SSBP4: variants seen among roughly 807,000 people sequenced by gnomAD.
SSBP4 encodes single stranded DNA binding protein 4.
SSBP4 carries 33 observed loss-of-function variants against 64.6 expected under a neutral mutation model. The observed-to-expected ratio is 0.51, with a 90% CI of 0.39 to 0.68. The LOEUF (loss-of-function observed/expected upper bound fraction) is 0.68. SSBP4 is among the 30% of genes least tolerant of loss of function. The pLI, the probability that SSBP4 is intolerant of heterozygous loss-of-function variation, is 0.00. For missense variants in SSBP4, 583 were observed against 566.8 expected (o/e 1.03, Z -0.29); for synonymous variants, 243 against 224.0 (o/e 1.08, Z -0.76).
At chr19:18,409,414 T>G in the SSBP4 span, among the ~76,000 whole-genome samples, 29 of 152,162 alleles carry the variant, frequency 1.9e-4, no homozygotes, top group Non-Finnish European at 4.1e-4. Context: ...CTCGAACTCC[T>G]CAGCTCAGGC....
At chr19:18,431,229 CCTT>C (rs1433591756) in intron 5 of SSBP4, 121 bp from the exon 6 acceptor site, 7 of 614,262 alleles carry the variant, frequency 1.1e-5, no homozygotes, top group Non-Finnish European at 2.1e-5. Context: ...TGCCCTCAAG[CCTT>C]CCCACAAGGT....
upstream of SSBP4, among the ~76,000 whole-genome samples, chr19:18,414,484 C>A (rs976392785): frequency 2.0e-5 from 3 of 152,056 alleles, no homozygotes; most frequent in African/African-American, 7.2e-5. Flanking sequence ...GAGTGAGACA[C>A]CCATATCTAA....
chr19:18,427,564 T>A lies in SSBP4; in HGVS notation c.132+141T>A, dbSNP rs999184462. The A allele has an allele frequency of 4.0e-5, 50 of 1,256,208 alleles. No homozygotes were observed. The African/African-American group carries it at 5.6e-4, about 14-fold the overall frequency. 77.8% of individuals were successfully genotyped at this position (1,256,208 alleles called of 1,614,324 possible). The stretch of plus-strand genomic sequence containing the variant: ...TGAGGGCTCTGCAGGGTCCAGGCCC[T>A]GGGCTAGCATCCAGGCATCTGGTCC... On this transcript the variant is annotated intron_variant, in intron 2 of 17. Transcript: ENST00000270061. This position sits in a 1 kb window ranked among gnomAD's most constrained non-coding sequence, Gnocchi z 4.4.
At chr19:18,428,397 G>A (rs1490192019) in intron 4 of SSBP4, among the ~76,000 whole-genome samples, 1 of 152,158 alleles carries the variant, frequency 6.6e-6, no homozygotes, top group Non-Finnish European at 1.5e-5. Flanking sequence ...CACAGGTCGG[G>A]GTGCCTGATG....
Position 18,423,316 on chromosome 19 carries a change from C to T in SSBP4, c.59+3609C>T, listed in dbSNP as rs1238097094. ...GCAGGTAAGCCAGGGATGGGATTCA[C>T]GATTGGACGTGGTCATTTTGGCCCC... On this transcript the variant is annotated intron_variant, in intron 1 of 17. Transcript: ENST00000270061. The surrounding 1 kb of genome is among the most constrained non-coding windows in gnomAD (Gnocchi z 4.0). Among the ~76,000 whole-genome samples, 2 of 152,104 alleles carry T rather than the reference C, an allele frequency of 1.3e-5. No individual in the cohort carries two copies. Among genetic ancestry groups the T allele is most frequent in the South Asian group, 4.2e-4 (2 of 4,816 alleles).
rs1973690315 is a variant in SSBP4, at chr19:18,433,604, G to A, written c.1011G>A (p.Gly337=). Residue 337 remains glycine (G), a synonymous_variant, in exon 16 of 18, where the codon GGG becomes GGA. Transcript: ENST00000270061. The part of the protein sequence containing the change: ...NGSLGSGDMD[G]LPKSSPGAVA... ...CTGTAGGCTCGGGCGACATGGACGG[G>A]TTGCCGAAGGTAAGGAGGCTGCGCT... is the stretch of plus-strand genomic sequence containing the variant. 2 of 1,523,624 alleles carry A rather than the reference G, an allele frequency of 1.3e-6. No individual in the cohort carries two copies. 94.4% of individuals were successfully genotyped at this position (1,523,624 alleles called of 1,614,324 possible). A position where few individuals can be genotyped will look rare whatever the true frequency, so the allele number is the denominator to read the frequency against.
rs375267710 is a variant in SSBP4, at chr19:18,427,706, C to T, written c.133-46C>T. 15 of 1,541,574 alleles carry T rather than the reference C, an allele frequency of 9.7e-6. No individual in the cohort carries two copies. Among genetic ancestry groups the T allele is most frequent in the African/African-American group, 1.4e-5 (1 of 73,106 alleles). ...CTGGGCACCCTGCTGGGTGGTGGGG[C>T]AGGGTCAGGTAGGGCCACCCCCTCA... On this transcript the variant is annotated intron_variant, in intron 2 of 17. Transcript: ENST00000270061. This position sits in a 1 kb window ranked among gnomAD's most constrained non-coding sequence, Gnocchi z 4.4.
chr19:18,419,554 G>A lies in SSBP4; in HGVS notation c.-95G>A. The A allele has an allele frequency of 8.6e-7, 1 of 1,158,594 alleles. No homozygotes were observed. Among genetic ancestry groups the A allele is most frequent in the East Asian group, 4.2e-5 (1 of 23,674 alleles). The allele number at this position is 1,158,594 out of a possible 1,614,324, so 71.8% of individuals were successfully genotyped here. The stretch of plus-strand genomic sequence containing the variant: ...GTGCCCGCCTGGGGCTCGGGGCGGT[G>A]AGGCCCGGGGCGCGGGGTAGCTATG... On this transcript the variant is annotated 5_prime_UTR_variant, in exon 1 of 18. It removes the in-frame stop codon of an upstream open reading frame in the 5' UTR. Coordinates refer to ENST00000270061, the MANE Select transcript of SSBP4 (RefSeq NM_032627.5).
chr19:18,413,144 T>TG, the SSBP4 span, among the ~76,000 whole-genome samples: 1 of 93,144 alleles, frequency 1.1e-5, no homozygotes, highest in South Asian at 4.0e-4. Context: ...TGTTTTGGTT[T>TG]GGGTTTTTTT....
At chr19:18,433,451 C>CG (rs1205267610) in intron 15 of SSBP4, 134 bp from the exon 16 acceptor site, 1 of 1,462,206 alleles carries the variant, frequency 6.8e-7, no homozygotes, top group Non-Finnish European at 9.2e-7. Context: ...GCCTCAGTCC[C>CG]GGGGTTCCTG....
the SSBP4 span, among the ~76,000 whole-genome samples, chr19:18,411,188 T>G: frequency 1.7e-4 from 26 of 151,548 alleles, no homozygotes; most frequent in Non-Finnish European, 1.5e-4. Flanking sequence ...ATGCAAAAAT[T>G]AACAAACAAG....
upstream of SSBP4, among the ~76,000 whole-genome samples, chr19:18,417,743 G>A (rs1389671585): frequency 2.6e-5 from 4 of 152,150 alleles, no homozygotes; most frequent in African/African-American, 7.2e-5. This position sits in a 1 kb window ranked among gnomAD's most constrained non-coding sequence, Gnocchi z 5.4. Flanking sequence ...AGTGGGAAGG[G>A]CTGGCGTCCC....
In SSBP4 at chr19:18,423,324, C is replaced by T. The variant is rs749380270; in HGVS notation, c.59+3617C>T. On this transcript the variant is annotated intron_variant, in intron 1 of 17. Coordinates refer to ENST00000270061, the MANE Select transcript of SSBP4 (RefSeq NM_032627.5). This position sits in a 1 kb window ranked among gnomAD's most constrained non-coding sequence, Gnocchi z 4.0. Reference sequence around the variant, plus strand: ...GCCAGGGATGGGATTCACGATTGGACGTGGTCATTTTGGCCCCTGGCTGGA... The same window carrying T: ...GCCAGGGATGGGATTCACGATTGGATGTGGTCATTTTGGCCCCTGGCTGGA... Among the ~76,000 whole-genome samples, 56 of 152,168 alleles carry T rather than the reference C, an allele frequency of 3.7e-4. No individual in the cohort carries two copies. The highest frequency in any genetic ancestry group is 6.5e-4 in the Non-Finnish European group (44 of 68,010).
At chr19:18,409,387 C>A in the SSBP4 span, among the ~76,000 whole-genome samples, 4 of 152,082 alleles carry the variant, frequency 2.6e-5, no homozygotes, top group Non-Finnish European at 5.9e-5. Context: ...ACGGCTTCAC[C>A]ATGTTGCCCA....
At chr19:18,412,017 T>C in the SSBP4 span, among the ~76,000 whole-genome samples, 1 of 151,562 alleles carries the variant, frequency 6.6e-6, no homozygotes, top group Non-Finnish European at 1.5e-5. Flanking sequence ...AAAATAAAAT[T>C]AGCTGGGCTT....
chr19:18,415,423 C>CA (rs1402082212), upstream of SSBP4, among the ~76,000 whole-genome samples: 1 of 152,220 alleles, frequency 6.6e-6, no homozygotes, highest in Non-Finnish European at 1.5e-5. Flanking sequence ...TGGGCCCCCC[C>CA]ACTGCTGTGT....
chr19:18,432,863 C>T lies in SSBP4; in HGVS notation c.821C>T (p.Pro274Leu). The change falls in exon 13 of 18, where the codon CCC (proline) becomes CTC (leucine). Residue 274 changes from proline to leucine, a missense_variant. Pro to Leu is a moderately conservative substitution (Grantham distance 98). Transcript: ENST00000270061. ...PPGGGGPPGT[P>L]IMPSPGDSTN... ...GGAGGAGGTGGGCCCCCTGGAACACCCATCATGCCTAGCCCTGGAGGTATG... is the reference window on the plus strand; with the variant it reads ...GGAGGAGGTGGGCCCCCTGGAACACTCATCATGCCTAGCCCTGGAGGTATG... 6.2e-7 allele frequency: 1 copy of T among 1,614,002 alleles called. No homozygotes were observed. Among genetic ancestry groups the T allele is most frequent in the Non-Finnish European group, 8.5e-7 (1 of 1,179,984 alleles).
At chr19:18,428,500 C>G (rs1302302592) in intron 4 of SSBP4, among the ~76,000 whole-genome samples, 1 of 152,186 alleles carries the variant, frequency 6.6e-6, no homozygotes, top group Non-Finnish European at 1.5e-5. Flanking sequence ...TGGAAAAGGT[C>G]AGAGGCCGGC....
intron 4 of SSBP4, 74 bp downstream of exon 4, chr19:18,428,056 T>TGGGGGGCGTGGGGGGGGGGTGGGGGGGG: frequency 3.6e-5 from 16 of 444,224 alleles, no homozygotes; most frequent in African/African-American, 6.4e-5. Flanking sequence ...GGAGGTGGGG[T>TGGGGGGCGTGGGGGGGGGGTGGGGGGGG]GGGGGGCTGC....
Sources: allele counts gnomAD v4.1 joint callset (sites outside exome capture counted in the v4.1 genomes callset), GRCh38; gene constraint gnomAD v4.1.1; non-coding constraint Gnocchi (gnomAD v3.1); transcripts MANE v1.5; gene names NCBI Gene and HGNC (gene_info 2026-07-23, HGNC 2026-07-21).